MYEF2: variants seen among roughly 807,000 people sequenced by gnomAD.
MYEF2 encodes myelin gene expression factor 2.
MYEF2 carries 37 observed loss-of-function variants against 75.2 expected under a neutral mutation model. The observed-to-expected ratio is 0.49, with a 90% CI of 0.38 to 0.65. The LOEUF is 0.65. Ranked by LOEUF, MYEF2 falls within the 30% of genes least tolerant of loss-of-function variation. The pLI, the probability that MYEF2 is intolerant of heterozygous loss-of-function variation, is 0.00. For missense variants in MYEF2, 634 were observed against 771.4 expected, an observed-to-expected ratio of 0.82 and a Z score of 2.11; for synonymous variants, 195 against 241.6, an observed-to-expected ratio of 0.81 and a Z score of 1.79.
At chr15:48,147,667 C>A (rs1309116381) in intron 16 of MYEF2, among the ~76,000 whole-genome samples, 1 of 151,900 alleles carries the variant, frequency 6.6e-6, no homozygotes. Context: ...GACTATTAAC[C>A]AGTTAACTTG....
intron 16 of MYEF2, among the ~76,000 whole-genome samples, chr15:48,143,618 T>C (rs527531341): frequency 7.7e-4 from 117 of 152,158 alleles, no homozygotes; most frequent in African/African-American, 2.8e-3. Flanking sequence ...TTATTCAATA[T>C]CACAGTTTGA....
At chr15:48,174,337 A>T (rs2040441032) in intron 1 of MYEF2, among the ~76,000 whole-genome samples, 1 of 152,032 alleles carries the variant, frequency 6.6e-6, no homozygotes, top group Non-Finnish European at 1.5e-5. Context: ...AAAACCATGG[A>T]ACTCCTAGAA....
chr15:48,158,439 A>G (rs942450089), intron 7 of MYEF2, among the ~76,000 whole-genome samples: 15 of 152,204 alleles, frequency 9.9e-5, no homozygotes, highest in Non-Finnish European at 1.9e-4. Flanking sequence ...TAATTCAACC[A>G]TTGAAAAAAG....
intron 5 of MYEF2, among the ~76,000 whole-genome samples, chr15:48,163,427 G>C (rs369641341): frequency 1.3e-5 from 2 of 152,186 alleles, no homozygotes; most frequent in East Asian, 3.9e-4. Context: ...AGAAAAGTTT[G>C]AAGCTGGTTC....
Position 48,159,766 on chromosome 15 carries a change from T to A in MYEF2, c.564A>T (p.Arg188=), listed in dbSNP as rs1415262112. The change falls in exon 6 of 17, where the codon CGA becomes CGT. Residue 188 remains arginine (R), a synonymous_variant. Coordinates refer to ENST00000324324, the MANE Select transcript of MYEF2 (RefSeq NM_016132.5). ...GTCCTCCTGGAAATGATCCTCCTGT[T>A]CGCTGCAATGCCCTACGAGCATTTT... is the stretch of plus-strand genomic sequence containing the variant. ...DGENARRALQ[R]TGGSFPGGHV... is the part of the protein sequence containing the mutation. 1.9e-6 allele frequency: 3 copies of A among 1,613,542 alleles called. No individual in the cohort carries two copies. The East Asian group carries it at 6.7e-5, about 36-fold the overall frequency.
chr15:48,161,598 A>G (rs2039944877), intron 5 of MYEF2, among the ~76,000 whole-genome samples: 1 of 151,558 alleles, frequency 6.6e-6, no homozygotes, highest in African/African-American at 2.4e-5. Flanking sequence ...ATATAACTCC[A>G]GGGTCTCTGA....
At chr15:48,161,132 T>C (rs560048479) in intron 5 of MYEF2, among the ~76,000 whole-genome samples, 164 of 152,148 alleles carry the variant, frequency 1.1e-3, no homozygotes, top group African/African-American at 3.8e-3. Context: ...ATGACAGAAA[T>C]ATATACACAT....
chr15:48,163,498 C>T (rs1315389090), intron 5 of MYEF2, among the ~76,000 whole-genome samples: 1 of 152,152 alleles, frequency 6.6e-6, no homozygotes, highest in African/African-American at 2.4e-5. Context: ...GCAGCAAGTG[C>T]TGATGTAGAA....
At chr15:48,171,269 C>T (rs1438647704) in intron 1 of MYEF2, among the ~76,000 whole-genome samples, 7 of 152,178 alleles carry the variant, frequency 4.6e-5, no homozygotes, top group African/African-American at 1.7e-4. Flanking sequence ...AAGCAGATAT[C>T]TATATAGTCT....
chr15:48,134,943 A>G lies in MYEF2; in HGVS notation c.*7965T>C. On this transcript the variant is annotated 3_prime_UTR_variant, in exon 17 of 17. Coordinates refer to ENST00000324324, the MANE Select transcript of MYEF2 (RefSeq NM_016132.5). ...ACTGTGCAGCGTACACAATTAGTGC[A>G]GCAGCAGTTCTTGGTATAATATATG... 6.2e-7 allele frequency: 1 copy of G among 1,612,344 alleles called. No homozygotes were observed. The highest frequency in any genetic ancestry group is 8.5e-7 in the Non-Finnish European group (1 of 1,178,762).
chr15:48,171,863 A>T (rs528278157), intron 1 of MYEF2, among the ~76,000 whole-genome samples: 1 of 152,214 alleles, frequency 6.6e-6, no homozygotes. Context: ...CCCACAATGT[A>T]CTTAAAATAA....
At chr15:48,155,522 C>T (rs1251186489) in intron 9 of MYEF2, among the ~76,000 whole-genome samples, 2 of 151,954 alleles carry the variant, frequency 1.3e-5, no homozygotes, top group Non-Finnish European at 2.9e-5. Context: ...GATTAGCAAA[C>T]TTGATTTAAT....
intron 1 of MYEF2, 67 bp downstream of exon 1, chr15:48,178,010 G>A (rs1240313257): frequency 1.3e-6 from 2 of 1,530,948 alleles, no homozygotes; most frequent in Non-Finnish European, 1.8e-6. Flanking sequence ...GCACAGCCCG[G>A]CCTCTAGCCG....
rs1339036646 is a variant in MYEF2, at chr15:48,142,122, T to C, written c.*786A>G. On this transcript the variant is annotated 3_prime_UTR_variant, in exon 17 of 17. Coordinates refer to ENST00000324324, the MANE Select transcript of MYEF2 (RefSeq NM_016132.5). The stretch of plus-strand genomic sequence containing the variant: ...CCATGGTTTATTAAAACTGCATTTA[T>C]AAATGGATCAGCTCCTGCAGAAGTA... 1.9e-6 allele frequency: 3 copies of C among 1,613,878 alleles called. No homozygotes were observed. The highest frequency in any genetic ancestry group is 2.5e-6 in the Non-Finnish European group (3 of 1,179,848).
chr15:48,152,929 T>C (rs907134185), intron 10 of MYEF2: 5 of 152,292 alleles, frequency 3.3e-5, no homozygotes, highest in South Asian at 2.1e-4. Context: ...CCAGGGACTC[T>C]TGAGGGTTCA....
chr15:48,144,547 T>C (rs1171472445), intron 16 of MYEF2, among the ~76,000 whole-genome samples: 2 of 151,916 alleles, frequency 1.3e-5, no homozygotes, highest in African/African-American at 4.8e-5. Flanking sequence ...AGAAATTACA[T>C]GATAATGGTT....
At chr15:48,156,980 C>T (rs1183529767) in intron 9 of MYEF2, among the ~76,000 whole-genome samples, 1 of 151,832 alleles carries the variant, frequency 6.6e-6, no homozygotes, top group African/African-American at 2.4e-5. Context: ...GGGGAAGCTC[C>T]ATTTTACCAT....
Position 48,168,444 on chromosome 15 carries a change from A to AATATCCATAC in MYEF2, c.370+177_370+186dup, listed in dbSNP as rs565188918. Among the ~76,000 whole-genome samples, 163 of 152,270 alleles carry AATATCCATAC rather than the reference A, an allele frequency of 1.1e-3. 1 individual carries two copies. Among genetic ancestry groups the AATATCCATAC allele is most frequent in the African/African-American group, 3.8e-3 (159 of 41,560 alleles). ...ATCCCACTAAAATGGCAAAAAGAAA[A>AATATCCATAC]ATATCCATACTACCTTGTAATGAAA... On this transcript the variant is annotated intron_variant, in intron 2 of 16. Transcript: ENST00000324324.
Position 48,141,297 on chromosome 15 carries a change from A to T in MYEF2, c.*1611T>A. 2 of 1,188,560 alleles carry T rather than the reference A, an allele frequency of 1.7e-6. No individual in the cohort carries two copies. Among genetic ancestry groups the T allele is most frequent in the Admixed American group, 3.9e-5 (2 of 51,412 alleles). The allele number at this position is 1,188,560 out of a possible 1,614,324, so 73.6% of individuals were successfully genotyped here. On this transcript the variant is annotated 3_prime_UTR_variant, in exon 17 of 17. Transcript: ENST00000324324. ...AGTAGCTTTAAAAATGTTTACTTCC[A>T]GCCGGGTGTGGTGGCTCGCGCCTGT...
Sources: allele counts gnomAD v4.1 joint callset (sites outside exome capture counted in the v4.1 genomes callset), GRCh38; gene constraint gnomAD v4.1.1; transcripts MANE v1.5; gene names NCBI Gene and HGNC (gene_info 2026-07-23, HGNC 2026-07-21).